The following CELSR3 variants were observed in gnomAD, a reference collection of about 807,000 sequenced individuals.
CELSR3 encodes the protein EGF-like protein 1.
Under a neutral mutation model 270.0 loss-of-function variants are expected in CELSR3, and 73 were observed. That is an observed-to-expected ratio of 0.27 (90% CI 0.22 to 0.33). The LOEUF (loss-of-function observed/expected upper bound fraction) is 0.33, where lower values mean the gene tolerates loss of function less well. CELSR3 is among the 10% of genes least tolerant of loss of function. The probability of loss-of-function intolerance (pLI) is 1.00; values close to 1 mark genes in which losing one functional copy is unlikely to be tolerated. For synonymous variants in CELSR3, 1,780 were observed against 1,905.4 expected, an observed-to-expected ratio of 0.93 and a Z score of 1.71; for missense variants, 3,614 against 4,533.8, an observed-to-expected ratio of 0.80 and a Z score of 5.83.
In CELSR3 at chr3:48,661,147, G is replaced by A. The variant is rs1453569970; in HGVS notation, c.1488C>T (p.Ser496=). 6.2e-7 allele frequency: 1 copy of A among 1,604,838 alleles called. No individual in the cohort carries two copies. Among genetic ancestry groups the A allele is most frequent in the South Asian group, 1.1e-5 (1 of 90,086 alleles). Residue 496 remains serine (S), a synonymous_variant, in exon 1 of 35, where the codon AGC becomes AGT. Coordinates refer to ENST00000164024, the MANE Select transcript of CELSR3 (RefSeq NM_001407.3). ...FEIDPRSGLI[S]TSGRVDREHM... is the part of the protein sequence containing the mutation. The stretch of plus-strand genomic sequence containing the variant: ...GCTCGCGGTCCACTCGGCCGCTGGT[G>A]CTGATGAGGCCGGAGCGTGGATCAA...
Position 48,660,530 on chromosome 3 carries a change from T to C in CELSR3, c.2105A>G (p.Asn702Ser). The C allele has an allele frequency of 6.2e-7, 1 of 1,614,142 alleles. No homozygotes were observed. The highest frequency in any genetic ancestry group is 8.5e-7 in the Non-Finnish European group (1 of 1,180,028). Residue 702 changes from asparagine to serine, a missense_variant, in exon 1 of 35, where the codon AAC becomes AGC. This residue lies in a region of CELSR3 where 215 missense variants were observed against 241.2 expected (regional missense o/e 0.89). Transcript: ENST00000164024. The surrounding 1 kb of genome is among the most constrained non-coding windows in gnomAD (Gnocchi z 5.5). ...GVAPDTPFVI[N>S]SATGWVSVSG... ...CACAGAGACCCAGCCAGTGGCGCTG[T>C]TTATCACAAAAGGAGTATCAGGTGC...
chr3:48,660,508 A>G lies in CELSR3; in HGVS notation c.2127T>C (p.Ser709=). The change falls in exon 1 of 35, where the codon TCT becomes TCC. Residue 709 remains serine (S), a synonymous_variant. Coordinates refer to ENST00000164024, the MANE Select transcript of CELSR3 (RefSeq NM_001407.3). This position sits in a 1 kb window ranked among gnomAD's most constrained non-coding sequence, Gnocchi z 5.5. ...ACTCACGGTCCAGGGGACCACTCAC[A>G]GAGACCCAGCCAGTGGCGCTGTTTA... ...FVINSATGWV[S]VSGPLDRESV... 6.2e-7 allele frequency: 1 copy of G among 1,614,160 alleles called. No homozygotes were observed. The highest frequency in any genetic ancestry group is 1.1e-5 in the South Asian group (1 of 91,082).
Position 48,639,543 on chromosome 3 carries a change from G to A in CELSR3, c.9911+131C>T, listed in dbSNP as rs1054557328. The A allele has an allele frequency of 2.8e-5, 35 of 1,250,630 alleles. No individual in the cohort carries two copies. The highest frequency in any genetic ancestry group is 3.6e-5 in the Non-Finnish European group (32 of 901,344). 77.5% of individuals were successfully genotyped at this position (1,250,630 alleles called of 1,614,324 possible). A position where few individuals can be genotyped will look rare whatever the true frequency, so the allele number is the denominator to read the frequency against. Reference sequence around the variant, plus strand: ...GTCCCCAGCCTGTGGCCCTCTGGCTGTGCTGAGCCTGGGGTAGCCCACACC... The same window carrying A: ...GTCCCCAGCCTGTGGCCCTCTGGCTATGCTGAGCCTGGGGTAGCCCACACC... On this transcript the variant is annotated intron_variant, in intron 34 of 34. Transcript: ENST00000164024. This position sits in a 1 kb window ranked among gnomAD's most constrained non-coding sequence, Gnocchi z 4.1.
In CELSR3 at chr3:48,639,922, C is replaced by T. The variant is rs532815297; in HGVS notation, c.9663G>A (p.Pro3221=). The change falls in exon 34 of 35, where the codon CCG becomes CCA. Residue 3221 remains proline (P), a synonymous_variant. Coordinates refer to ENST00000164024, the MANE Select transcript of CELSR3 (RefSeq NM_001407.3). This position sits in a 1 kb window ranked among gnomAD's most constrained non-coding sequence, Gnocchi z 4.1. ...HPSREALGPL[P]QLLRAREDSV... ...AGTCCTCCCTAGCTCTGAGCAGCTGCGGGAGTGGCCCAAGGGCTTCTCGTG... is the reference window on the plus strand; with the variant it reads ...AGTCCTCCCTAGCTCTGAGCAGCTGTGGGAGTGGCCCAAGGGCTTCTCGTG... The T allele has an allele frequency of 1.5e-5, 24 of 1,613,030 alleles. No homozygotes were observed. Among genetic ancestry groups the T allele is most frequent in the South Asian group, 1.4e-4 (13 of 91,082 alleles).
At position 48,646,945 on chromosome 3, in the gene CELSR3, A is replaced by G. The variant is rs2047089925; in HGVS notation, c.7130-17T>C. ...TGGGCAGAACTGCCAGGAGAGAAGG[A>G]GGAGCTTCTGTCAGTGACCTTTGAC... is the stretch of plus-strand genomic sequence containing the variant. On this transcript the variant is annotated splice_polypyrimidine_tract_variant and intron_variant, in intron 20 of 34. Coordinates refer to ENST00000164024, the MANE Select transcript of CELSR3 (RefSeq NM_001407.3). The surrounding 1 kb of genome is among the most constrained non-coding windows in gnomAD (Gnocchi z 4.8). The G allele has an allele frequency of 1.3e-6, 2 of 1,506,742 alleles. No homozygotes were observed. Among genetic ancestry groups the G allele is most frequent in the Non-Finnish European group, 1.8e-6 (2 of 1,131,264 alleles). The allele number at this position is 1,506,742 out of a possible 1,614,324, so 93.3% of individuals were successfully genotyped here.
In CELSR3 at chr3:48,651,767, G is replaced by A. The variant is rs1010005864; in HGVS notation, c.5924-49C>T. ...AGGATCCTGGTCGCAGAGCATGGAA[G>A]GAAGCAGGCACCCGTCCCGAGTCCC... On this transcript the variant is annotated intron_variant, in intron 12 of 34. Coordinates refer to ENST00000164024, the MANE Select transcript of CELSR3 (RefSeq NM_001407.3). This position sits in a 1 kb window ranked among gnomAD's most constrained non-coding sequence, Gnocchi z 7.4. The A allele has an allele frequency of 3.9e-6, 6 of 1,535,382 alleles. No homozygotes were observed. Among genetic ancestry groups the A allele is most frequent in the African/African-American group, 2.8e-5 (2 of 72,162 alleles).
chr3:48,656,603 G>T, intron 2 of CELSR3, 95 bp downstream of exon 2: 2 of 1,387,586 alleles, frequency 1.4e-6, no homozygotes, highest in Non-Finnish European at 1.9e-6. Flanking sequence ...CCAGGCCGTG[G>T]CCTCAGAAGT....
Position 48,661,712 on chromosome 3 carries a change from G to C in CELSR3, c.923C>G (p.Thr308Ser). ...ACGAAAGCGTGCCCGGTTCGCCGAGGTTACTTTCCTGGCTTCAGGACGGGC... is the reference window on the plus strand; with the variant it reads ...ACGAAAGCGTGCCCGGTTCGCCGAGCTTACTTTCCTGGCTTCAGGACGGGC... ...LPARPEARKVTSANRARFRRA... is the reference protein window; with the variant it reads ...LPARPEARKVSSANRARFRRA... Residue 308 changes from threonine to serine, a missense_variant, in exon 1 of 35, where the codon ACC (threonine) becomes AGC (serine). Physicochemically the swap from Thr to Ser is moderately conservative, Grantham distance 58. Coordinates refer to ENST00000164024, the MANE Select transcript of CELSR3 (RefSeq NM_001407.3). The C allele has an allele frequency of 6.4e-7, 1 of 1,574,422 alleles. No individual in the cohort carries two copies. The highest frequency in any genetic ancestry group is 1.4e-5 in the African/African-American group (1 of 73,600).
rs536493375 is a variant in CELSR3, at chr3:48,662,635, C to T, written c.-1G>A. The stretch of plus-strand genomic sequence containing the variant: ...GCCACGGCGGCCGCCTCGCCATCAT[C>T]CCCCGCCTCCCTGCACGGCCTCCAC... On this transcript the variant is annotated 5_prime_UTR_variant, in exon 1 of 35. Transcript: ENST00000164024. The surrounding 1 kb of genome is among the most constrained non-coding windows in gnomAD (Gnocchi z 7.1). The T allele has an allele frequency of 1.0e-4, 140 of 1,366,948 alleles. No individual in the cohort carries two copies. The African/African-American group carries it at 1.8e-3, about 17-fold the overall frequency. 84.7% of individuals were successfully genotyped at this position (1,366,948 alleles called of 1,614,324 possible). A position where few individuals can be genotyped will look rare whatever the true frequency, so the allele number is the denominator to read the frequency against.
At position 48,656,361 on chromosome 3, in the gene CELSR3, C is replaced by G. The variant is rs988830701; in HGVS notation, c.4404G>C (p.Glu1468Asp). The G allele has an allele frequency of 7.0e-7, 1 of 1,421,786 alleles. No homozygotes were observed. The highest frequency in any genetic ancestry group is 9.1e-7 in the Non-Finnish European group (1 of 1,102,380). The allele number at this position is 1,421,786 out of a possible 1,614,324, so 88.1% of individuals were successfully genotyped here. ...TCVCRPRFTG[E>D]DCELDTEAGR... ...CGGCCTCGGTGTCCAGCTCGCAGTC[C>G]TCTCCTGGGGGCCAAGCCGCGGTCA... Residue 1468 changes from glutamate (E) to aspartate (D), a missense_variant, in exon 3 of 35, where the codon GAG becomes GAC. Glu to Asp is a conservative substitution (Grantham distance 45). Coordinates refer to ENST00000164024, the MANE Select transcript of CELSR3 (RefSeq NM_001407.3).
At position 48,652,087 on chromosome 3, in the gene CELSR3, A is replaced by T. The variant is rs2047142928; in HGVS notation, c.5752-39T>A. On this transcript the variant is annotated intron_variant, in intron 11 of 34. Transcript: ENST00000164024. The surrounding 1 kb of genome is among the most constrained non-coding windows in gnomAD (Gnocchi z 4.3). The stretch of plus-strand genomic sequence containing the variant: ...GCCAGCAAGGGGTGAGACCATGTTA[A>T]GGCACCTCAGCCTCAAGTACTGCAG... 6.7e-7 allele frequency: 1 copy of T among 1,489,206 alleles called. No homozygotes were observed. The highest frequency in any genetic ancestry group is 1.4e-5 in the African/African-American group (1 of 70,712). 92.2% of individuals were successfully genotyped at this position (1,489,206 alleles called of 1,614,324 possible).
At position 48,655,344 on chromosome 3, in the gene CELSR3, C is replaced by T. The variant is rs2047171072; in HGVS notation, c.4792G>A (p.Gly1598Arg). 3.1e-6 allele frequency: 5 copies of T among 1,613,964 alleles called. No homozygotes were observed. Among genetic ancestry groups the T allele is most frequent in the South Asian group, 1.1e-5 (1 of 91,090 alleles). ...SPTVPGGLSD[G>R]QWHTVHLRYY... ...CTCAGATGCACTGTATGCCATTGCC[C>T]GTCACTCAAGCCCCCTGGAACTGTG... Residue 1598 changes from glycine (G) to arginine (R), a missense_variant, in exon 5 of 35, where the codon GGG (glycine) becomes AGG (arginine). Physicochemically the swap from Gly to Arg is moderately radical, Grantham distance 125. Around this residue, in one of 7 missense-constraint regions of CELSR3, gnomAD observed 1,331 missense variants for 1,933.7 expected, o/e 0.69. Transcript: ENST00000164024. This position sits in a 1 kb window ranked among gnomAD's most constrained non-coding sequence, Gnocchi z 5.8.
Position 48,642,651 on chromosome 3 carries a change from G to C in CELSR3, c.8555+85C>G. Reference sequence around the variant, plus strand: ...ATGGCCAAGATGGGTGGAGCCACCCGCCCTAGGACCTGGTCAGCCAAGCCC... The same window carrying C: ...ATGGCCAAGATGGGTGGAGCCACCCCCCCTAGGACCTGGTCAGCCAAGCCC... On this transcript the variant is annotated intron_variant, in intron 30 of 34. Transcript: ENST00000164024. This position sits in a 1 kb window ranked among gnomAD's most constrained non-coding sequence, Gnocchi z 6.1. The C allele has an allele frequency of 6.5e-7, 1 of 1,529,904 alleles. No individual in the cohort carries two copies. Among genetic ancestry groups the C allele is most frequent in the East Asian group, 2.3e-5 (1 of 44,164 alleles). 94.8% of individuals were successfully genotyped at this position (1,529,904 alleles called of 1,614,324 possible).
intron 18 of CELSR3, 69 bp downstream of exon 18, chr3:48,648,650 T>C: frequency 6.5e-7 from 1 of 1,543,216 alleles, no homozygotes; most frequent in Non-Finnish European, 8.8e-7. Flanking sequence ...GAGCCTGAGC[T>C]GGGGATCCAG....
rs2106715658 is a variant in CELSR3, at chr3:48,654,775, T to C, written c.4988+269A>G. ...ATGAGATGAAGGGACTCGGAGGGGA[T>C]GTGGGACATTAGTGAGACTGGGGTG... On this transcript the variant is annotated intron_variant, in intron 6 of 34. Transcript: ENST00000164024. This position sits in a 1 kb window ranked among gnomAD's most constrained non-coding sequence, Gnocchi z 5.4. Among the ~76,000 whole-genome samples the C allele has an allele frequency of 6.6e-6, 1 of 151,186 alleles. No individual in the cohort carries two copies. Among genetic ancestry groups the C allele is most frequent in the South Asian group, 2.1e-4 (1 of 4,762 alleles).
rs781499541 is a variant in CELSR3, at chr3:48,654,336, C to T, written c.5105G>A (p.Arg1702His). Reference protein sequence around the residue: ...GCMRDLHIDGRRVDMAAFVAN... With the variant: ...GCMRDLHIDGHRVDMAAFVAN... ...GACAAAAGCCGCCATGTCCACTCGG[C>T]GGCCATCAATGTGCAGGTCCCGCAT... Residue 1702 changes from arginine to histidine, a missense_variant, in exon 7 of 35, where the codon CGC (arginine) becomes CAC (histidine). Transcript: ENST00000164024. The surrounding 1 kb of genome is among the most constrained non-coding windows in gnomAD (Gnocchi z 5.4). 9.9e-6 allele frequency: 16 copies of T among 1,613,988 alleles called. No homozygotes were observed. The Admixed American group carries it at 1.2e-4, about 12-fold the overall frequency.
chr3:48,638,701 ACAGC>A (rs1202118410), intron 34 of CELSR3, among the ~76,000 whole-genome samples: 1 of 147,958 alleles, frequency 6.8e-6, no homozygotes, highest in Non-Finnish European at 1.5e-5. Context: ...TACCTCCCAA[ACAGC>A]CAGACCCCAA....
Position 48,651,266 on chromosome 3 carries a change from T to C in CELSR3, c.6186+93A>G. On this transcript the variant is annotated intron_variant, in intron 14 of 34. Coordinates refer to ENST00000164024, the MANE Select transcript of CELSR3 (RefSeq NM_001407.3). The surrounding 1 kb of genome is among the most constrained non-coding windows in gnomAD (Gnocchi z 7.4). Reference sequence around the variant, plus strand: ...TGGTCACAGGACACAGGCAAGAGGTTAGGGCCCAAGTCAGGTGGCGGAGGT... The same window carrying C: ...TGGTCACAGGACACAGGCAAGAGGTCAGGGCCCAAGTCAGGTGGCGGAGGT... 1 of 1,570,498 alleles carries C rather than the reference T, an allele frequency of 6.4e-7. No individual in the cohort carries two copies. Among genetic ancestry groups the C allele is most frequent in the Non-Finnish European group, 8.7e-7 (1 of 1,151,786 alleles).
Position 48,640,207 on chromosome 3 carries a change from T to A in CELSR3, c.9378A>T (p.Pro3126=). 6.2e-7 allele frequency: 1 copy of A among 1,612,688 alleles called. No homozygotes were observed. The highest frequency in any genetic ancestry group is 1.1e-5 in the South Asian group (1 of 91,064). The change falls in exon 34 of 35, where the codon CCA becomes CCT. Residue 3126 remains proline, a synonymous_variant. Coordinates refer to ENST00000164024, the MANE Select transcript of CELSR3 (RefSeq NM_001407.3). The surrounding 1 kb of genome is among the most constrained non-coding windows in gnomAD (Gnocchi z 7.5). ...DRGSTLPRRQ[P]PRDYPGAMAG... ...CCATGGCGCCAGGGTAGTCCCGAGG[T>A]GGCTGCCTCCGTGGCAGGGTGCTGC...
Sources: allele counts gnomAD v4.1 joint callset (sites outside exome capture counted in the v4.1 genomes callset), GRCh38; gene constraint gnomAD v4.1.1; regional missense constraint gnomAD v4.1.1; non-coding constraint Gnocchi (gnomAD v3.1); transcripts MANE v1.5; gene names NCBI Gene and HGNC (gene_info 2026-07-23, HGNC 2026-07-21).